Variants in STAG3 observed in about 807,000 individuals in gnomAD.
STAG3 encodes the protein STAG3 cohesin complex component, also known as cohesin subunit SA-3.
A neutral mutation model predicts 160.7 loss-of-function variants in STAG3; 101 were observed. The ratio of observed to expected loss-of-function variants is 0.63; its 90% confidence interval spans 0.54 to 0.74. The LOEUF (loss-of-function observed/expected upper bound fraction) is 0.74, where lower values mean the gene tolerates loss of function less well. Among genes scored for constraint, STAG3 ranks in the 30% least tolerant of loss-of-function variants. The pLI, the probability that STAG3 is intolerant of heterozygous loss-of-function variation, is 0.00. For missense variants in STAG3, 1,188 were observed against 1,517.4 expected (o/e 0.78, Z 3.61); for synonymous variants, 519 against 585.0 (o/e 0.89, Z 1.63).
intron 16 of STAG3, among the ~76,000 whole-genome samples, chr7:100,199,855 AC>A (rs1002016885): frequency 1.3e-4 from 20 of 150,792 alleles, no homozygotes; most frequent in African/African-American, 4.6e-4. Context: ...GGAGATCGAG[AC>A]CATCCTGGCT....
At chr7:100,197,517 T>C (rs771147962) in intron 10 of STAG3, 1 of 668,046 alleles carries the variant, frequency 1.5e-6, no homozygotes, top group Non-Finnish European at 2.7e-6. Flanking sequence ...GACTTTCCCA[T>C]GGAAGAGAGT....
chr7:100,204,209 A>G (rs1279936787), intron 26 of STAG3, 87 bp downstream of exon 26: 15 of 1,032,956 alleles, frequency 1.5e-5, no homozygotes, highest in Non-Finnish European at 4.4e-6. Context: ...AAGATCCTTC[A>G]GAGCAGTAAC....
intron 8 of STAG3, among the ~76,000 whole-genome samples, chr7:100,191,859 A>T (rs1005823799): frequency 6.6e-6 from 1 of 152,244 alleles, no homozygotes; most frequent in Non-Finnish European, 1.5e-5. Flanking sequence ...ACAAGAGTCA[A>T]TTCTCTCAAG....
intron 10 of STAG3, chr7:100,197,548 G>A (rs1800768387): frequency 1.6e-6 from 1 of 634,956 alleles, no homozygotes; most frequent in Non-Finnish European, 2.9e-6. Context: ...TGGTAATGCA[G>A]GTGCTAAGGG....
In STAG3 at chr7:100,207,898, C is replaced by T. The variant is rs929203732; in HGVS notation, c.3238+2514C>T. ...TTGGGAGGCCGAGGCGGGCGGATCA[C>T]GAGGTCAGGAGATTGAGACCATCCT... On this transcript the variant is annotated intron_variant, in intron 29 of 33. Transcript: ENST00000615138. This position sits in a 1 kb window ranked among gnomAD's most constrained non-coding sequence, Gnocchi z 4.0. Among the ~76,000 whole-genome samples, 1 of 152,058 alleles carries T rather than the reference C, an allele frequency of 6.6e-6. No homozygotes were observed. Among genetic ancestry groups the T allele is most frequent in the Non-Finnish European group, 1.5e-5 (1 of 67,994 alleles).
intron 29 of STAG3, among the ~76,000 whole-genome samples, chr7:100,210,033 G>C (rs117363191): frequency 0.011 from 1,710 of 152,336 alleles, 25 homozygotes; most frequent in Non-Finnish European, 0.016. Context: ...GCAGAGTATA[G>C]GTGATATTTA....
At chr7:100,218,876 C>T (rs866884032), downstream of STAG3, 7 of 209,912 alleles carry the variant, frequency 3.3e-5, no homozygotes, top group African/African-American at 7.0e-5. Context: ...GCAGATTCAC[C>T]GATTCACCCC....
At position 100,202,600 on chromosome 7, in the gene STAG3, G is replaced by A; in HGVS notation, c.2700+10G>A. 1 of 1,608,208 alleles carries A rather than the reference G, an allele frequency of 6.2e-7. No homozygotes were observed. Among genetic ancestry groups the A allele is most frequent in the Non-Finnish European group, 8.5e-7 (1 of 1,177,120 alleles). On this transcript the variant is annotated intron_variant, in intron 25 of 33. Coordinates refer to ENST00000615138, the MANE Select transcript of STAG3 (RefSeq NM_001282717.2). ...CAAACACTACAACAAGGTACACCAA[G>A]GCCCTACAGAAATAAAAGAGAAGGG...
chr7:100,211,148 G>A lies in STAG3; in HGVS notation c.3376G>A (p.Glu1126Lys). 1 of 1,602,060 alleles carries A rather than the reference G, an allele frequency of 6.2e-7. No homozygotes were observed. Among genetic ancestry groups the A allele is most frequent in the Non-Finnish European group, 8.5e-7 (1 of 1,174,328 alleles). The change falls in exon 30 of 34, where the codon GAG (glutamate) becomes AAG (lysine). Residue 1126 changes from glutamate to lysine, a missense_variant. Glu to Lys is a moderately conservative substitution (Grantham distance 56). Around this residue, in one of 4 missense-constraint regions of STAG3, gnomAD observed 647 missense variants for 717.2 expected, o/e 0.90. Transcript: ENST00000615138. ...RQPLWGLKEM[E>K]EEDGSELDFA... ...GCCCCTGTGGGGGTTGAAAGAGATG[G>A]AGGAAGAAGATGGCTCAGAGTTGGA...
chr7:100,203,756 C>A (rs1405092544), intron 25 of STAG3, among the ~76,000 whole-genome samples: 1 of 152,264 alleles, frequency 6.6e-6, no homozygotes, highest in East Asian at 1.9e-4. Flanking sequence ...CCTCGTGATC[C>A]ACCCGTCTTG....
intron 8 of STAG3, among the ~76,000 whole-genome samples, chr7:100,195,029 C>T (rs995381872): frequency 2.0e-5 from 3 of 152,048 alleles, no homozygotes; most frequent in Admixed American, 6.6e-5. Flanking sequence ...TGCAATAAAG[C>T]GAGATACACC....
At chr7:100,192,352 C>A (rs1800393351) in intron 8 of STAG3, among the ~76,000 whole-genome samples, 3 of 152,194 alleles carry the variant, frequency 2.0e-5, no homozygotes, top group African/African-American at 7.2e-5. Context: ...TGGCAAAAAC[C>A]CATCTCTACT....
At chr7:100,201,596 A>G (rs1801139132) in intron 21 of STAG3, 190 bp from the exon 22 acceptor site, 1 of 638,092 alleles carries the variant, frequency 1.6e-6, no homozygotes, top group South Asian at 1.9e-5. Flanking sequence ...AGAGTAAATT[A>G]GGGAGCGGTG....
chr7:100,196,070 G>C (rs1432902257), intron 9 of STAG3, among the ~76,000 whole-genome samples: 1 of 151,686 alleles, frequency 6.6e-6, no homozygotes, highest in Admixed American at 6.6e-5. Context: ...TGGAGGTTGC[G>C]GTGAGCTGAG....
At chr7:100,189,149 C>A in intron 7 of STAG3, 133 bp downstream of exon 7, 1 of 1,016,416 alleles carries the variant, frequency 9.8e-7, no homozygotes, top group Non-Finnish European at 1.4e-6. Flanking sequence ...TTATCCTAAA[C>A]TTCAATCCAG....
intron 13 of STAG3, 103 bp downstream of exon 13, chr7:100,198,685 C>T (rs1800853220): frequency 2.3e-6 from 3 of 1,286,040 alleles, no homozygotes; most frequent in African/African-American, 1.5e-5. Context: ...GTGAAAGTCT[C>T]CCTGGTGTCT....
At chr7:100,186,547 C>T (rs1019506720) in intron 5 of STAG3, among the ~76,000 whole-genome samples, 1 of 152,042 alleles carries the variant, frequency 6.6e-6, no homozygotes, top group African/African-American at 2.4e-5. Flanking sequence ...GGCGAAACCC[C>T]TACTAAAATA....
At chr7:100,211,369 C>A in intron 30 of STAG3, 66 bp from the exon 31 acceptor site, 1 of 1,558,378 alleles carries the variant, frequency 6.4e-7, no homozygotes, top group Non-Finnish European at 8.8e-7. Context: ...CCATTAACAC[C>A]AGCTGCCTTA....
At chr7:100,192,939 T>A (rs905891672) in intron 8 of STAG3, among the ~76,000 whole-genome samples, 5 of 152,222 alleles carry the variant, frequency 3.3e-5, no homozygotes, top group Admixed American at 3.3e-4. Context: ...GGAATCACTG[T>A]GGCAGCTATA....
Sources: gnomAD v4.1 joint callset for allele counts (sites outside exome capture counted in the v4.1 genomes callset) on GRCh38, gnomAD v4.1.1 for gene constraint, gnomAD v4.1.1 regional missense constraint, Gnocchi (gnomAD v3.1) non-coding constraint, MANE v1.5 for transcripts, NCBI Gene and HGNC (gene_info 2026-07-23, HGNC 2026-07-21) for gene names.